Variants in EVA1A observed in about 807,000 individuals in gnomAD.
EVA1A encodes eva-1 homolog A, regulator of programmed cell death.
EVA1A carries 7 observed loss-of-function variants against 9.8 expected under a neutral mutation model. That is an observed-to-expected ratio of 0.71 (90% CI 0.41 to 1.34). The LOEUF (loss-of-function observed/expected upper bound fraction) is 1.34. EVA1A is among the 40% of genes most tolerant of loss of function. The pLI is 0.01. For synonymous variants in EVA1A, 90 were observed against 85.6 expected (o/e 1.05, Z -0.28); for missense variants, 206 against 205.9 (o/e 1.00, Z 0.00).
intron 1 of EVA1A, among the ~76,000 whole-genome samples, chr2:75,532,451 A>T (rs967556151): frequency 6.6e-6 from 1 of 152,190 alleles, no homozygotes; most frequent in Non-Finnish European, 1.5e-5. Context: ...CATTCCACAC[A>T]GTAAAAAAAT....
At chr2:75,499,818 G>A (rs1307706020) in intron 3 of EVA1A, among the ~76,000 whole-genome samples, 1 of 152,116 alleles carries the variant, frequency 6.6e-6, no homozygotes, top group Admixed American at 6.5e-5. Flanking sequence ...GTCCCTGTTG[G>A]TCTAAAAGGG....
At chr2:75,509,795 T>A (rs10188464) in intron 3 of EVA1A, among the ~76,000 whole-genome samples, 28,362 of 152,000 alleles carry the variant, frequency 0.19, 3,021 homozygotes, top group African/African-American at 0.28. Context: ...TAATGATTGT[T>A]AAGGGGGGTA....
intron 3 of EVA1A, among the ~76,000 whole-genome samples, chr2:75,506,208 A>G (rs1449983570): frequency 6.6e-6 from 1 of 152,208 alleles, no homozygotes; most frequent in Non-Finnish European, 1.5e-5. Flanking sequence ...AAATAGTAAT[A>G]CAAGAAATAT....
intron 1 of EVA1A, among the ~76,000 whole-genome samples, chr2:75,549,394 G>A (rs772751461): frequency 2.0e-5 from 3 of 152,110 alleles, no homozygotes; most frequent in Non-Finnish European, 4.4e-5. Flanking sequence ...TGTCTACTGA[G>A]GAAAAGTGGG....
At chr2:75,502,271 A>T (rs1674456310) in intron 3 of EVA1A, among the ~76,000 whole-genome samples, 1 of 152,160 alleles carries the variant, frequency 6.6e-6, no homozygotes. Flanking sequence ...AGCTCCATAA[A>T]TCTATCTCCA....
rs191830734 is a variant in EVA1A at position 75,509,217 on chromosome 2, G to T, written c.85+8839C>A. On this transcript the variant is annotated intron_variant, in intron 3 of 3. Transcript: ENST00000393913. ...AAATTTAAGTTGGTGAATTTTATAAGAAAACTGAGTTAAAATGTATAAGGG... is the reference window on the plus strand; with the variant it reads ...AAATTTAAGTTGGTGAATTTTATAATAAAACTGAGTTAAAATGTATAAGGG... Among the ~76,000 whole-genome samples, 56 of 152,256 alleles carry T rather than the reference G, an allele frequency of 3.7e-4. 1 individual carries two copies. The highest frequency in any genetic ancestry group is 1.2e-3 in the African/African-American group (50 of 41,546).
At chr2:75,557,187 G>A (rs541296002) in intron 1 of EVA1A, among the ~76,000 whole-genome samples, 1 of 152,314 alleles carries the variant, frequency 6.6e-6, no homozygotes, top group East Asian at 1.9e-4. Flanking sequence ...CAAATGTGCA[G>A]GTATTTGTGT....
At chr2:75,501,158 C>A (rs1166081455) in intron 3 of EVA1A, among the ~76,000 whole-genome samples, 2 of 152,140 alleles carry the variant, frequency 1.3e-5, no homozygotes, top group East Asian at 3.9e-4. Flanking sequence ...CCACTCTTGA[C>A]CCACAAACAC....
At chr2:75,546,923 A>AAAC (rs1159605393) in intron 1 of EVA1A, among the ~76,000 whole-genome samples, 3 of 151,454 alleles carry the variant, frequency 2.0e-5, no homozygotes, top group Non-Finnish European at 2.9e-5. Context: ...AAAAAAAAAA[A>AAAC]AAAACACCTA....
intron 1 of EVA1A, among the ~76,000 whole-genome samples, chr2:75,559,898 C>T (rs1676862523): frequency 6.6e-6 from 1 of 152,116 alleles, no homozygotes; most frequent in African/African-American, 2.4e-5. Flanking sequence ...TACACACAGG[C>T]TTGTTATGAG....
chr2:75,499,931 C>T (rs1025448430), intron 3 of EVA1A, among the ~76,000 whole-genome samples: 1 of 152,216 alleles, frequency 6.6e-6, no homozygotes, highest in Non-Finnish European at 1.5e-5. Context: ...TTAAGGAAAT[C>T]TATTTCTAGA....
intron 1 of EVA1A, among the ~76,000 whole-genome samples, chr2:75,551,179 T>TTTTA (rs1409953536): frequency 6.6e-6 from 1 of 152,174 alleles, no homozygotes; most frequent in African/African-American, 2.4e-5. Flanking sequence ...CTTTTCCATC[T>TTTTA]TTAAAACACT....
intron 3 of EVA1A, among the ~76,000 whole-genome samples, chr2:75,503,826 T>G (rs1406940853): frequency 6.6e-6 from 1 of 151,868 alleles, no homozygotes; most frequent in Non-Finnish European, 1.5e-5. Context: ...AAATATACAG[T>G]TAGATAGAAG....
intron 3 of EVA1A, among the ~76,000 whole-genome samples, chr2:75,502,610 C>G (rs1199482471): frequency 1.3e-5 from 2 of 151,988 alleles, no homozygotes; most frequent in Non-Finnish European, 2.9e-5. Context: ...GGAAGGAAGG[C>G]AAGAAGGAAA....
At chr2:75,500,223 A>G (rs1317730569) in intron 3 of EVA1A, among the ~76,000 whole-genome samples, 1 of 152,248 alleles carries the variant, frequency 6.6e-6, no homozygotes, top group Admixed American at 6.5e-5. Context: ...TTTCCAAGTA[A>G]GTTTCCAATT....
At chr2:75,514,142 T>C (rs1572957666) in intron 3 of EVA1A, among the ~76,000 whole-genome samples, 1 of 152,200 alleles carries the variant, frequency 6.6e-6, no homozygotes, top group African/African-American at 2.4e-5. Flanking sequence ...GAAAACATGA[T>C]GGGGCTTGGA....
chr2:75,517,695 T>C, intron 3 of EVA1A: 1 of 669,708 alleles, frequency 1.5e-6, no homozygotes, highest in Non-Finnish European at 2.7e-6. Flanking sequence ...AGGCAGCCTG[T>C]GTGAGGTTAA....
At chr2:75,549,053 T>C (rs1377962905) in intron 1 of EVA1A, among the ~76,000 whole-genome samples, 1 of 148,660 alleles carries the variant, frequency 6.7e-6, no homozygotes, top group Non-Finnish European at 1.5e-5. Flanking sequence ...TGAAAGAGAA[T>C]CTAAGGTATC....
intron 1 of EVA1A, among the ~76,000 whole-genome samples, chr2:75,534,237 T>C (rs1427472290): frequency 6.6e-6 from 1 of 151,974 alleles, no homozygotes; most frequent in East Asian, 1.9e-4. Context: ...AGACTTTGTC[T>C]CAAAAATAAA....
Sources: allele counts gnomAD v4.1 joint callset (sites outside exome capture counted in the v4.1 genomes callset), GRCh38; gene constraint gnomAD v4.1.1; transcripts MANE v1.5; gene names NCBI Gene and HGNC (gene_info 2026-07-23, HGNC 2026-07-21).